Variants in PHF24 observed in about 807,000 individuals in gnomAD.
PHF24 encodes Galpha inhibitory interacting protein.
In PHF24, 25 loss-of-function variants were observed where a neutral mutation model predicts 42.6. The ratio of observed to expected loss-of-function variants is 0.59; its 90% CI spans 0.43 to 0.82. The LOEUF (loss-of-function observed/expected upper bound fraction) is 0.82, where lower values mean the gene tolerates loss of function less well. PHF24 is among the 40% of genes least tolerant of loss of function. PHF24 has a pLI of 0.00. For missense variants in PHF24, 470 were observed against 538.1 expected (o/e 0.87, Z 1.25); for synonymous variants, 185 against 204.8 (o/e 0.90, Z 0.83).
the PHF24 span, among the ~76,000 whole-genome samples, chr9:34,927,028 G>C: frequency 6.6e-6 from 1 of 152,170 alleles, no homozygotes; most frequent in African/African-American, 2.4e-5. Flanking sequence ...TGTTTCTCCG[G>C]TCCTGAGCAT....
the PHF24 span, chr9:34,709,242 G>A: frequency 5.2e-3 from 4,849 of 929,378 alleles, 108 homozygotes; most frequent in African/African-American, 0.054. Flanking sequence ...ATGCAGATGG[G>A]GTGGTTAAAG....
the PHF24 span, among the ~76,000 whole-genome samples, chr9:34,817,244 A>G: frequency 1.3e-5 from 2 of 152,062 alleles, no homozygotes; most frequent in Admixed American, 6.6e-5. Context: ...TATCATTTGT[A>G]TTATTAATTT....
chr9:34,681,514 ATTAAAG>A, the PHF24 span, among the ~76,000 whole-genome samples: 609 of 152,356 alleles, frequency 4.0e-3, no homozygotes, highest in Non-Finnish European at 6.3e-3. Context: ...TTAGGAGGTA[ATTAAAG>A]TTAAATGAGG....
the PHF24 span, among the ~76,000 whole-genome samples, chr9:34,707,293 T>C: frequency 6.6e-6 from 1 of 152,274 alleles, no homozygotes; most frequent in Admixed American, 6.5e-5. Flanking sequence ...GAACACTCAC[T>C]GGCGAGACTG....
At chr9:34,745,494 G>A in the PHF24 span, among the ~76,000 whole-genome samples, 2 of 151,938 alleles carry the variant, frequency 1.3e-5, no homozygotes, top group Non-Finnish European at 2.9e-5. Context: ...AGGTAGGTAG[G>A]TAAAATACTG....
At chr9:34,891,305 G>A in the PHF24 span, among the ~76,000 whole-genome samples, 1 of 152,308 alleles carries the variant, frequency 6.6e-6, no homozygotes, top group East Asian at 1.9e-4. Flanking sequence ...CAGGCCTTTG[G>A]AATACTGCAG....
the PHF24 span, chr9:34,709,841 C>T: frequency 8.7e-6 from 14 of 1,614,208 alleles, no homozygotes; most frequent in Middle Eastern, 1.6e-4. Flanking sequence ...ACAACCTTGG[C>T]GGGAATCTTC....
chr9:34,690,393 T>C, the PHF24 span: 5 of 1,583,942 alleles, frequency 3.2e-6, no homozygotes, highest in East Asian at 9.2e-5. Flanking sequence ...GAGGGTGGCA[T>C]GGCCATGGCC....
chr9:34,672,404 T>A, the PHF24 span, among the ~76,000 whole-genome samples: 2 of 152,246 alleles, frequency 1.3e-5, no homozygotes, highest in Non-Finnish European at 2.9e-5. Flanking sequence ...TGGCCATATT[T>A]CTTGCTACTA....
At chr9:34,847,716 A>G in the PHF24 span, among the ~76,000 whole-genome samples, 1 of 152,058 alleles carries the variant, frequency 6.6e-6, no homozygotes, top group Non-Finnish European at 1.5e-5. Flanking sequence ...TTGCCCATTC[A>G]GTGTGATATT....
the PHF24 span, among the ~76,000 whole-genome samples, chr9:34,788,893 A>G: frequency 4.9e-3 from 742 of 152,346 alleles, 6 homozygotes; most frequent in African/African-American, 0.017. Flanking sequence ...TTAACCTGTC[A>G]GAATGTAGCT....
the PHF24 span, among the ~76,000 whole-genome samples, chr9:34,829,619 G>A: frequency 6.6e-6 from 1 of 152,194 alleles, no homozygotes; most frequent in Non-Finnish European, 1.5e-5. Flanking sequence ...TCACAAAGAT[G>A]TAACGCTTTC....
the PHF24 span, among the ~76,000 whole-genome samples, chr9:34,687,261 A>G: frequency 6.6e-6 from 1 of 152,090 alleles, no homozygotes; most frequent in African/African-American, 2.4e-5. Context: ...TCTTTTTATG[A>G]GCCTCAGCAT....
chr9:34,958,167 C>A (rs1280856887), upstream of PHF24, among the ~76,000 whole-genome samples: 4 of 147,406 alleles, frequency 2.7e-5, no homozygotes, highest in Non-Finnish European at 4.5e-5. The surrounding 1 kb of genome is among the most constrained non-coding windows in gnomAD (Gnocchi z 4.5). Flanking sequence ...GCCCAGGGCA[C>A]CTCGCGCGGG....
chr9:34,901,856 G>A, the PHF24 span, among the ~76,000 whole-genome samples: 1 of 152,110 alleles, frequency 6.6e-6, no homozygotes, highest in Non-Finnish European at 1.5e-5. Context: ...ATGTTGAGAT[G>A]CATACTAAAA....
At chr9:34,930,365 G>T in the PHF24 span, among the ~76,000 whole-genome samples, 1 of 152,194 alleles carries the variant, frequency 6.6e-6, no homozygotes. Flanking sequence ...ACCATCTCTT[G>T]TTCCTTAACT....
At chr9:34,935,516 C>T in the PHF24 span, among the ~76,000 whole-genome samples, 1 of 150,610 alleles carries the variant, frequency 6.6e-6, no homozygotes, top group Admixed American at 6.6e-5. Flanking sequence ...ATTGCTTGAA[C>T]TCGGGAGGCA....
the PHF24 span, among the ~76,000 whole-genome samples, chr9:34,887,302 A>C: frequency 0.021 from 3,199 of 152,282 alleles, 128 homozygotes; most frequent in East Asian, 0.19. Flanking sequence ...TATTTTTAGC[A>C]CTATGACCTA....
At chr9:34,696,919 C>T in the PHF24 span, among the ~76,000 whole-genome samples, 2 of 152,272 alleles carry the variant, frequency 1.3e-5, no homozygotes, top group East Asian at 1.9e-4. Context: ...AAGTTTAATC[C>T]TAACATTGTC....
Sources: allele counts gnomAD v4.1 joint callset (sites outside exome capture counted in the v4.1 genomes callset), GRCh38; gene constraint gnomAD v4.1.1; non-coding constraint Gnocchi (gnomAD v3.1); transcripts MANE v1.5; gene names NCBI Gene and HGNC (gene_info 2026-07-23, HGNC 2026-07-21).